PTPRQ: variants seen among roughly 807,000 people sequenced by gnomAD.
PTPRQ encodes the protein protein tyrosine phosphatase receptor type Q, also known as phosphatidylinositol phosphatase PTPRQ.
Under a neutral mutation model 246.0 loss-of-function variants are expected in PTPRQ, and 199 were observed. The observed-to-expected ratio is 0.81, with a 90% CI of 0.72 to 0.91. The LOEUF is 0.91. Ranked by LOEUF, PTPRQ falls within the 40% of genes least tolerant of loss-of-function variation. The pLI is 0.00. For missense variants in PTPRQ, 2,624 were observed against 2,528.4 expected (o/e 1.04, Z -0.81); for synonymous variants, 869 against 853.2 (o/e 1.02, Z -0.32).
intron 17 of PTPRQ, among the ~76,000 whole-genome samples, chr12:80,522,436 G>T (rs1474952741): frequency 6.6e-6 from 1 of 152,076 alleles, no homozygotes; most frequent in Non-Finnish European, 1.5e-5. Context: ...TCCCTGTCTT[G>T]TGCCAGTTTT....
chr12:80,637,464 G>A (rs1217062463), intron 35 of PTPRQ, among the ~76,000 whole-genome samples: 1 of 152,120 alleles, frequency 6.6e-6, no homozygotes, highest in Non-Finnish European at 1.5e-5. Flanking sequence ...TATTACCCAT[G>A]ATAATAGCAA....
intron 9 of PTPRQ, among the ~76,000 whole-genome samples, chr12:80,486,273 C>T (rs1894272927): frequency 6.6e-6 from 1 of 152,110 alleles, no homozygotes; most frequent in African/African-American, 2.4e-5. Flanking sequence ...GGATCATCCA[C>T]CTTAGTTGCT....
At chr12:80,460,597 T>C (rs10862121) in intron 5 of PTPRQ, 56 bp from the exon 6 acceptor site, 133,070 of 397,796 alleles carry the variant, frequency 0.33, 25,553 homozygotes, top group African/African-American at 0.61. Flanking sequence ...TTCTTATTCT[T>C]ATGTTCACCA....
chr12:80,506,330 T>A, intron 15 of PTPRQ, 124 bp downstream of exon 15: 1 of 1,118,442 alleles, frequency 8.9e-7, no homozygotes, highest in Non-Finnish European at 1.2e-6. Flanking sequence ...GTCTTTTTGG[T>A]TAAATAAGCT....
intron 39 of PTPRQ, among the ~76,000 whole-genome samples, chr12:80,664,416 T>C (rs1900722813): frequency 6.6e-6 from 1 of 151,996 alleles, no homozygotes; most frequent in Non-Finnish European, 1.5e-5. Context: ...TGAACTGTCC[T>C]AGTCCCTGAT....
At position 80,670,447 on chromosome 12, in the gene PTPRQ, G is replaced by A. The variant is rs79780976; in HGVS notation, c.6557G>A (p.Arg2186Gln). ...CTAATTCACTTTGTGAAGTTGGTTC[G>A]AGCAAGCAGGGCACATGACACCACA... ...APLIHFVKLVRASRAHDTTPM... is the reference protein window; with the variant it reads ...APLIHFVKLVQASRAHDTTPM... The change falls in exon 42 of 45, where the codon CGA (arginine) becomes CAA (glutamine). Residue 2186 changes from arginine to glutamine, a missense_variant. Transcript: ENST00000644991. 365 of 1,551,190 alleles carry A rather than the reference G, an allele frequency of 2.4e-4. 1 individual carries two copies. In the East Asian group the frequency reaches 4.7e-3, roughly 20 times the overall value.
chr12:80,490,036 A>G (rs1894396916), intron 9 of PTPRQ, among the ~76,000 whole-genome samples: 1 of 151,768 alleles, frequency 6.6e-6, no homozygotes, highest in East Asian at 1.9e-4. Flanking sequence ...AATGAGGCTG[A>G]GGACAGAACC....
At chr12:80,481,894 G>T (rs1454960461) in intron 8 of PTPRQ, among the ~76,000 whole-genome samples, 2 of 150,728 alleles carry the variant, frequency 1.3e-5, no homozygotes, top group Non-Finnish European at 3.0e-5. Context: ...ACAAATGGAA[G>T]AACATTCCAT....
chr12:80,581,422 G>C (rs1897431664), intron 25 of PTPRQ, among the ~76,000 whole-genome samples: 1 of 152,138 alleles, frequency 6.6e-6, no homozygotes, highest in Non-Finnish European at 1.5e-5. Context: ...GATCAGTTGA[G>C]CCCAGGAGTT....
At chr12:80,510,486 AAT>A (rs1353793908) in intron 17 of PTPRQ, 43 bp downstream of exon 17, 1 of 1,474,284 alleles carries the variant, frequency 6.8e-7, no homozygotes, top group African/African-American at 1.4e-5. Flanking sequence ...AACAGATATT[AAT>A]CTGTAACATA....
intron 7 of PTPRQ, among the ~76,000 whole-genome samples, chr12:80,470,902 A>G (rs1893604118): frequency 6.6e-6 from 1 of 152,224 alleles, no homozygotes; most frequent in African/African-American, 2.4e-5. Flanking sequence ...AATTGGTGAT[A>G]GTAATGTCCA....
intron 35 of PTPRQ, among the ~76,000 whole-genome samples, chr12:80,638,622 T>G (rs1427109095): frequency 6.6e-6 from 1 of 152,214 alleles, no homozygotes; most frequent in Non-Finnish European, 1.5e-5. Flanking sequence ...TTCTGTAATT[T>G]TTGTTATTTG....
intron 25 of PTPRQ, among the ~76,000 whole-genome samples, chr12:80,578,551 C>T (rs1408867373): frequency 1.3e-5 from 2 of 151,862 alleles, no homozygotes; most frequent in Non-Finnish European, 2.9e-5. Context: ...CCACTACGCC[C>T]GGCTAATTTT....
At chr12:80,577,594 A>G (rs547042992) in intron 25 of PTPRQ, among the ~76,000 whole-genome samples, 1 of 152,286 alleles carries the variant, frequency 6.6e-6, no homozygotes, top group South Asian at 2.1e-4. Context: ...TTTCCTTGTA[A>G]CGATCCCTAA....
chr12:80,641,667 C>G (rs1328359091), intron 35 of PTPRQ, among the ~76,000 whole-genome samples: 2 of 152,084 alleles, frequency 1.3e-5, no homozygotes, highest in South Asian at 4.2e-4. Flanking sequence ...CAAAGTAAGA[C>G]ACTGTTAAAC....
intron 28 of PTPRQ, among the ~76,000 whole-genome samples, chr12:80,612,526 T>A (rs1397898160): frequency 6.6e-6 from 1 of 150,516 alleles, no homozygotes; most frequent in Admixed American, 6.7e-5. Flanking sequence ...AATATGGCGA[T>A]GATACCCAAT....
chr12:80,477,971 C>T (rs1030590305), intron 8 of PTPRQ, among the ~76,000 whole-genome samples: 10 of 152,372 alleles, frequency 6.6e-5, no homozygotes, highest in Admixed American at 6.5e-5. Flanking sequence ...CCGCCATTGC[C>T]CAGGCTTGCT....
At chr12:80,492,133 G>A (rs1894469781) in intron 9 of PTPRQ, among the ~76,000 whole-genome samples, 1 of 151,780 alleles carries the variant, frequency 6.6e-6, no homozygotes, top group African/African-American at 2.4e-5. Context: ...AGTCTAATAA[G>A]CCTCCATATA....
At chr12:80,520,669 G>A (rs1895450851) in intron 17 of PTPRQ, among the ~76,000 whole-genome samples, 1 of 151,930 alleles carries the variant, frequency 6.6e-6, no homozygotes, top group South Asian at 2.1e-4. Flanking sequence ...CTTCATCCAT[G>A]TCCCTACAAA....
Sources: allele counts gnomAD v4.1 joint callset (sites outside exome capture counted in the v4.1 genomes callset), GRCh38; gene constraint gnomAD v4.1.1; transcripts MANE v1.5; gene names NCBI Gene and HGNC (gene_info 2026-07-23, HGNC 2026-07-21).